EPHA5: variants seen among roughly 807,000 people sequenced by gnomAD.
EPHA5 encodes the protein EPH receptor A5.
In EPHA5, 60 loss-of-function variants were observed where a neutral mutation model predicts 105.0. The ratio of observed to expected loss-of-function variants is 0.57; its 90% CI spans 0.46 to 0.71. EPHA5 has a LOEUF of 0.71. Ranked by LOEUF, EPHA5 falls within the 30% of genes least tolerant of loss-of-function variation. The probability of loss-of-function intolerance (pLI) is 0.00; values close to 1 mark genes in which losing one functional copy is unlikely to be tolerated. For missense variants in EPHA5, 1,218 were observed against 1,274.7 expected, an observed-to-expected ratio of 0.96 and a Z score of 0.68; for synonymous variants, 513 against 449.1, an observed-to-expected ratio of 1.14 and a Z score of -1.80.
chr4:65,529,989 C>T, intron 3 of EPHA5, among the ~76,000 whole-genome samples: 1 of 152,010 alleles, frequency 6.6e-6, no homozygotes. Flanking sequence ...ATGACAATAT[C>T]TATCAACAAT....
chr4:65,644,811 A>G (rs1747978391), intron 1 of EPHA5, among the ~76,000 whole-genome samples: 1 of 151,928 alleles, frequency 6.6e-6, no homozygotes, highest in South Asian at 2.1e-4. Flanking sequence ...TAAATCAATA[A>G]CTTAAAATCT....
At chr4:65,528,354 C>T (rs1735439666) in intron 3 of EPHA5, among the ~76,000 whole-genome samples, 1 of 151,870 alleles carries the variant, frequency 6.6e-6, no homozygotes, top group African/African-American at 2.4e-5. Flanking sequence ...TTTGCAAAGA[C>T]AAAAATATGT....
chr4:65,328,278 T>C (rs1365539760), intron 16 of EPHA5, among the ~76,000 whole-genome samples: 1 of 151,314 alleles, frequency 6.6e-6, no homozygotes, highest in East Asian at 1.9e-4. Flanking sequence ...TCAAATGTTA[T>C]GAACTGTCAT....
At chr4:65,461,684 T>C (rs574694326) in intron 5 of EPHA5, among the ~76,000 whole-genome samples, 1 of 152,132 alleles carries the variant, frequency 6.6e-6, no homozygotes, top group East Asian at 1.9e-4. Context: ...AAAAGATATA[T>C]AAACCTTGCA....
chr4:65,473,019 C>A (rs951202175), intron 5 of EPHA5, among the ~76,000 whole-genome samples: 1 of 152,134 alleles, frequency 6.6e-6, no homozygotes, highest in Non-Finnish European at 1.5e-5. Flanking sequence ...TCATCTCTCT[C>A]AAGTTCAAAG....
chr4:65,588,748 A>G (rs977606457), intron 3 of EPHA5, among the ~76,000 whole-genome samples: 2 of 152,092 alleles, frequency 1.3e-5, no homozygotes, highest in African/African-American at 4.8e-5. Context: ...TTGCACTCAT[A>G]CCAACAACTC....
At chr4:65,408,602 C>T (rs1722602985) in intron 7 of EPHA5, among the ~76,000 whole-genome samples, 2 of 152,204 alleles carry the variant, frequency 1.3e-5, no homozygotes, top group African/African-American at 4.8e-5. Flanking sequence ...CTCACCATCA[C>T]TGGCCATCAG....
chr4:65,338,273 A>G (rs77419699), intron 14 of EPHA5, among the ~76,000 whole-genome samples: 2,853 of 152,204 alleles, frequency 0.019, 37 homozygotes, highest in Non-Finnish European at 0.029. Context: ...CATGGCTGAT[A>G]ATAAGGACAG....
intron 6 of EPHA5, among the ~76,000 whole-genome samples, chr4:65,414,966 C>G (rs971747486): frequency 2.0e-5 from 3 of 152,116 alleles, no homozygotes; most frequent in Non-Finnish European, 4.4e-5. Context: ...AATTTCAATT[C>G]ACTAAGTCTA....
rs1721152723 is a variant in EPHA5, at chr4:65,336,080, C to T, written c.2641G>A (p.Asp881Asn). 1 of 1,612,754 alleles carries T rather than the reference C, an allele frequency of 6.2e-7. No homozygotes were observed. Among genetic ancestry groups the T allele is most frequent in the African/African-American group, 1.3e-5 (1 of 74,872 alleles). The change falls in exon 15 of 17, where the codon GAT (aspartate) becomes AAT (asparagine). Residue 881 changes from aspartate (D) to asparagine (N), a missense_variant. Asp to Asn is a conservative substitution (Grantham distance 23). Coordinates refer to ENST00000613740, the MANE Select transcript of EPHA5 (RefSeq NM_001281766.3). ...AACTGATAGAGAGCAGCAGGACAATCCATGGGGCTTGGCAGACGATAGCCT... is the reference window on the plus strand; with the variant it reads ...AACTGATAGAGAGCAGCAGGACAATTCATGGGGCTTGGCAGACGATAGCCT... ...EEGYRLPSPMDCPAALYQLML... is the reference protein window; with the variant it reads ...EEGYRLPSPMNCPAALYQLML...
At chr4:65,424,473 A>G (rs1159223986) in intron 5 of EPHA5, among the ~76,000 whole-genome samples, 1 of 152,098 alleles carries the variant, frequency 6.6e-6, no homozygotes, top group African/African-American at 2.4e-5. Flanking sequence ...AATAATATAA[A>G]TTCATTTTTT....
intron 3 of EPHA5, among the ~76,000 whole-genome samples, chr4:65,534,572 A>AGTT (rs1736116572): frequency 1.3e-5 from 2 of 152,236 alleles, no homozygotes. Flanking sequence ...ATCCTAAGGT[A>AGTT]ACTGGGCAGA....
chr4:65,330,735 T>C, intron 16 of EPHA5: 5 of 996,814 alleles, frequency 5.0e-6, no homozygotes, highest in Non-Finnish European at 6.0e-6. Context: ...CAGTAAATTT[T>C]TCAGTATACC....
intron 1 of EPHA5, among the ~76,000 whole-genome samples, chr4:65,654,144 A>G (rs928933171): frequency 2.6e-5 from 4 of 152,048 alleles, no homozygotes; most frequent in African/African-American, 7.2e-5. Flanking sequence ...TCTTGCAACC[A>G]TAACACCATG....
chr4:65,396,562 C>T lies in EPHA5; in HGVS notation c.1793+7812G>A, dbSNP rs115583250. ...CAGTACCACTGGAGGACCCTAAATGCGACACCAGTGATGAAATGGAAGAAT... is the reference window on the plus strand; with the variant it reads ...CAGTACCACTGGAGGACCCTAAATGTGACACCAGTGATGAAATGGAAGAAT... On this transcript the variant is annotated intron_variant, in intron 8 of 16. Coordinates refer to ENST00000613740, the MANE Select transcript of EPHA5 (RefSeq NM_001281766.3). Among the ~76,000 whole-genome samples the T allele has an allele frequency of 2.1e-3, 324 of 152,168 alleles. 2 individuals are homozygous for T. The highest frequency in any genetic ancestry group is 7.2e-3 in the African/African-American group (298 of 41,524).
chr4:65,496,749 A>G (rs994182491), intron 3 of EPHA5, among the ~76,000 whole-genome samples: 1 of 152,148 alleles, frequency 6.6e-6, no homozygotes, highest in African/African-American at 2.4e-5. Context: ...ATACCCAGTA[A>G]TGGGATGGCT....
intron 2 of EPHA5, among the ~76,000 whole-genome samples, chr4:65,616,023 G>T (rs993213675): frequency 2.6e-5 from 4 of 151,802 alleles, no homozygotes; most frequent in African/African-American, 7.3e-5. Context: ...GCCGAAAACT[G>T]GAATCAGCCT....
At chr4:65,439,283 C>T (rs934387118) in intron 5 of EPHA5, among the ~76,000 whole-genome samples, 2 of 151,964 alleles carry the variant, frequency 1.3e-5, no homozygotes, top group Admixed American at 1.3e-4. Flanking sequence ...AAGGTAAATC[C>T]AGATATTTAA....
intron 2 of EPHA5, among the ~76,000 whole-genome samples, chr4:65,613,221 C>T (rs984909438): frequency 3.9e-5 from 6 of 151,954 alleles, no homozygotes; most frequent in Non-Finnish European, 8.8e-5. Flanking sequence ...CTATTCTGTT[C>T]CACTGATCTA....
Sources: allele counts gnomAD v4.1 joint callset (sites outside exome capture counted in the v4.1 genomes callset), GRCh38; gene constraint gnomAD v4.1.1; transcripts MANE v1.5; gene names NCBI Gene and HGNC (gene_info 2026-07-23, HGNC 2026-07-21).